The following ARL15 variants were observed in gnomAD, a reference collection of about 807,000 sequenced individuals.
ARL15 encodes the protein ADP-ribosylation factor-like protein 15.
ARL15 carries 19 observed loss-of-function variants against 25.2 expected under a neutral mutation model. The observed-to-expected ratio is 0.75, with a 90% CI of 0.53 to 1.10. The LOEUF (loss-of-function observed/expected upper bound fraction) is 1.10. ARL15 is among the 50% of genes least tolerant of loss of function. The pLI, the probability that ARL15 is intolerant of heterozygous loss-of-function variation, is 0.00. For synonymous variants in ARL15, 94 were observed against 86.8 expected, an observed-to-expected ratio of 1.08 and a Z score of -0.46; for missense variants, 220 against 246.0, an observed-to-expected ratio of 0.89 and a Z score of 0.71.
At chr5:54,143,059 A>G (rs982025669) in intron 3 of ARL15, among the ~76,000 whole-genome samples, 1 of 152,208 alleles carries the variant, frequency 6.6e-6, no homozygotes, top group Non-Finnish European at 1.5e-5. Context: ...TAAACATTAT[A>G]TGGATAATTC....
chr5:54,267,489 T>A (rs1407816335), intron 1 of ARL15, among the ~76,000 whole-genome samples: 1 of 152,246 alleles, frequency 6.6e-6, no homozygotes, highest in East Asian at 1.9e-4. Context: ...TTATCCATTT[T>A]TAAGTTGACA....
intron 1 of ARL15, among the ~76,000 whole-genome samples, chr5:54,223,143 C>T (rs995666653): frequency 6.6e-6 from 1 of 152,020 alleles, no homozygotes; most frequent in East Asian, 1.9e-4. Context: ...TATTAAAAGG[C>T]AGTGACCATG....
At chr5:54,158,173 T>C (rs1754296800) in intron 2 of ARL15, among the ~76,000 whole-genome samples, 1 of 152,084 alleles carries the variant, frequency 6.6e-6, no homozygotes, top group African/African-American at 2.4e-5. Flanking sequence ...AAGGGTTGCT[T>C]TGAGGAATAA....
At chr5:54,292,546 G>T (rs947627497) in intron 1 of ARL15, among the ~76,000 whole-genome samples, 57 of 152,142 alleles carry the variant, frequency 3.7e-4, no homozygotes, top group Non-Finnish European at 1.8e-4. Flanking sequence ...ACTCCTTTCA[G>T]ATGAACAGTT....
intron 4 of ARL15, among the ~76,000 whole-genome samples, chr5:53,961,835 A>G (rs1747382837): frequency 6.6e-6 from 1 of 152,184 alleles, no homozygotes; most frequent in African/African-American, 2.4e-5. Context: ...AATATACACA[A>G]AACAACCCAT....
At chr5:54,124,422 T>G (rs1002377602) in intron 3 of ARL15, among the ~76,000 whole-genome samples, 6 of 152,174 alleles carry the variant, frequency 3.9e-5, no homozygotes, top group African/African-American at 1.4e-4. Context: ...TTCTGAATAT[T>G]TTTTCTTATA....
Position 54,128,737 on chromosome 5 carries a change from G to A in ARL15, c.254-15327C>T, listed in dbSNP as rs535601033. 3.9e-4 allele frequency among the ~76,000 whole-genome samples: 52 copies of A among 133,072 alleles called. No individual in the cohort carries two copies. In the East Asian group the frequency reaches 0.01, roughly 26 times the overall value. 87.3% of individuals were successfully genotyped at this position (133,072 alleles called of 152,430 possible). ...TTTTTTTTTTTTGAGATGGAGTCTC[G>A]CTCTGTCGCCCAGACTGTAGTGCAA... On this transcript the variant is annotated intron_variant, in intron 3 of 4. Coordinates refer to ENST00000504924, the MANE Select transcript of ARL15 (RefSeq NM_019087.3).
At chr5:54,062,565 T>C (rs1751103619) in intron 4 of ARL15, among the ~76,000 whole-genome samples, 1 of 152,130 alleles carries the variant, frequency 6.6e-6, no homozygotes, top group Non-Finnish European at 1.5e-5. Flanking sequence ...AACTCTCTTT[T>C]TGCCTGCTGC....
At chr5:54,262,535 T>C (rs1260975170) in intron 1 of ARL15, among the ~76,000 whole-genome samples, 1 of 139,132 alleles carries the variant, frequency 7.2e-6, no homozygotes, top group Non-Finnish European at 1.5e-5. Flanking sequence ...TTCATTCCTG[T>C]TAATAACTAT....
At chr5:54,099,576 G>T (rs890481306) in intron 4 of ARL15, among the ~76,000 whole-genome samples, 1 of 151,942 alleles carries the variant, frequency 6.6e-6, no homozygotes, top group Admixed American at 6.6e-5. Flanking sequence ...ATATTCCTTT[G>T]TGACTAAATT....
intron 4 of ARL15, among the ~76,000 whole-genome samples, chr5:53,895,889 T>C (rs1158571729): frequency 2.6e-5 from 4 of 152,322 alleles, no homozygotes; most frequent in South Asian, 2.1e-4. Context: ...TTTTTTTCCA[T>C]GAATTTTATG....
chr5:54,013,398 A>G (rs1749307864), intron 4 of ARL15, among the ~76,000 whole-genome samples: 1 of 152,152 alleles, frequency 6.6e-6, no homozygotes, highest in African/African-American at 2.4e-5. Flanking sequence ...CAAGCTAACC[A>G]TTGGAGAGAT....
chr5:54,188,621 A>C (rs900271480), intron 1 of ARL15, among the ~76,000 whole-genome samples: 26 of 152,220 alleles, frequency 1.7e-4, no homozygotes, highest in African/African-American at 6.3e-4. Context: ...ATCAGGGCTC[A>C]CTTGGGACCC....
chr5:53,930,534 A>G lies in ARL15; in HGVS notation c.463-43821T>C, dbSNP rs185560011. Among the ~76,000 whole-genome samples the G allele has an allele frequency of 3.1e-3, 472 of 152,306 alleles. 2 individuals carry two copies. The highest frequency in any genetic ancestry group is 0.024 in the Middle Eastern group (7 of 294). ...ACATCACTTCTCCTAGGTGTAAGAG[A>G]TATATTTGTTAGAAAGGAGGCAGAG... On this transcript the variant is annotated intron_variant, in intron 4 of 4. Transcript: ENST00000504924.
chr5:54,011,682 G>C (rs2111785934), intron 4 of ARL15, among the ~76,000 whole-genome samples: 1 of 152,220 alleles, frequency 6.6e-6, no homozygotes, highest in Non-Finnish European at 1.5e-5. Flanking sequence ...TCTAACCAAA[G>C]GCAGTGGAGG....
In ARL15 at chr5:54,013,312, G is replaced by C. The variant is rs193286693; in HGVS notation, c.462+99890C>G. Among the ~76,000 whole-genome samples the C allele has an allele frequency of 2.6e-5, 4 of 152,338 alleles. No homozygotes were observed. In the East Asian group the frequency reaches 7.7e-4, roughly 29 times the overall value. On this transcript the variant is annotated intron_variant, in intron 4 of 4. Transcript: ENST00000504924. The stretch of plus-strand genomic sequence containing the variant: ...CTTTGCAAAGATTATGACAGTGAGA[G>C]AAGTCTAGCATGACTGATTCCATCT...
At chr5:54,041,645 G>A (rs545808782) in intron 4 of ARL15, among the ~76,000 whole-genome samples, 12 of 152,288 alleles carry the variant, frequency 7.9e-5, no homozygotes, top group African/African-American at 2.9e-4. Context: ...AATCAAAGGA[G>A]GTACCAGTTC....
At chr5:53,940,931 T>C (rs1746522356) in intron 4 of ARL15, among the ~76,000 whole-genome samples, 1 of 152,172 alleles carries the variant, frequency 6.6e-6, no homozygotes, top group Non-Finnish European at 1.5e-5. Context: ...AGGTCAAGCT[T>C]TTACAAGAAA....
chr5:54,084,872 C>G (rs894993893), intron 4 of ARL15, among the ~76,000 whole-genome samples: 2 of 152,124 alleles, frequency 1.3e-5, no homozygotes, highest in African/African-American at 4.8e-5. Context: ...CATCTTGGAA[C>G]CTACTAAAGG....
Sources: gnomAD v4.1 joint callset for allele counts (sites outside exome capture counted in the v4.1 genomes callset) on GRCh38, gnomAD v4.1.1 for gene constraint, MANE v1.5 for transcripts, NCBI Gene and HGNC (gene_info 2026-07-23, HGNC 2026-07-21) for gene names.